Variants in GRIK4 observed in about 807,000 individuals in gnomAD.
GRIK4 encodes glutamate ionotropic receptor kainate type subunit 4, also known as glutamate receptor ionotropic, kainate 4.
GRIK4 carries 40 observed loss-of-function variants against 104.9 expected under a neutral mutation model. The ratio of observed to expected loss-of-function variants is 0.38; its 90% CI spans 0.30 to 0.50. The LOEUF (loss-of-function observed/expected upper bound fraction) is 0.50. Ranked by LOEUF, GRIK4 falls within the 20% of genes least tolerant of loss-of-function variation. The pLI is 0.93. For synonymous variants in GRIK4, 485 were observed against 524.9 expected (o/e 0.92, Z 1.04); for missense variants, 1,047 against 1,308.1 (o/e 0.80, Z 3.08).
chr11:120,588,450 C>T (rs938582150), intron 1 of GRIK4, among the ~76,000 whole-genome samples: 13 of 152,034 alleles, frequency 8.6e-5, no homozygotes, highest in African/African-American at 1.9e-4. Context: ...ATGGGGAGAC[C>T]GCAGGCACGA....
intron 1 of GRIK4, among the ~76,000 whole-genome samples, chr11:120,585,509 G>C (rs189737549): frequency 1.3e-5 from 2 of 151,854 alleles, no homozygotes; most frequent in Non-Finnish European, 1.5e-5. Flanking sequence ...CTACTGTGCC[G>C]TGCCCTTTCC....
At chr11:120,797,337 C>T (rs574180054) in intron 3 of GRIK4, among the ~76,000 whole-genome samples, 2 of 152,128 alleles carry the variant, frequency 1.3e-5, no homozygotes, top group Admixed American at 6.5e-5. Context: ...GGACTCGGAG[C>T]GTCCCAGCCC....
rs1332764713 is a variant in GRIK4 at position 120,637,965 on chromosome 11, C to T, written c.-158-15720C>T. Reference sequence around the variant, plus strand: ...CGTGATCTCGGCTCACTAAAACCTCCGCCTCCCAGGTTCAAGTGATTCTCC... The same window carrying T: ...CGTGATCTCGGCTCACTAAAACCTCTGCCTCCCAGGTTCAAGTGATTCTCC... On this transcript the variant is annotated intron_variant, in intron 1 of 20. Transcript: ENST00000527524. Among the ~76,000 whole-genome samples, 13 of 152,104 alleles carry T rather than the reference C, an allele frequency of 8.5e-5. No individual in the cohort carries two copies. In the East Asian group the frequency reaches 1.5e-3, roughly 18 times the overall value.
intron 1 of GRIK4, among the ~76,000 whole-genome samples, chr11:120,554,744 A>T (rs1046875318): frequency 5.3e-5 from 8 of 151,980 alleles, no homozygotes; most frequent in Admixed American, 5.2e-4. Context: ...TTTTTAGTAG[A>T]GACGGAGTTT....
chr11:120,635,395 C>T (rs553947821), intron 1 of GRIK4, among the ~76,000 whole-genome samples: 3 of 152,356 alleles, frequency 2.0e-5, no homozygotes, highest in East Asian at 3.9e-4. Context: ...CTGCGTGCCG[C>T]AGTCACCCAG....
chr11:120,710,232 G>C (rs1950703670), intron 3 of GRIK4, among the ~76,000 whole-genome samples: 1 of 152,304 alleles, frequency 6.6e-6, no homozygotes. Context: ...TGTACAGTAA[G>C]GAGATTGAAC....
rs192478421 is a variant in GRIK4 at position 120,855,415 on chromosome 11, C to T, written c.745-6544C>T. On this transcript the variant is annotated intron_variant, in intron 8 of 20. Transcript: ENST00000527524. ...CAGTGAAGTGCTCAGTTTTGCCTGGCGCACAGTTGGTGGTCAGTAAATTGT... is the reference window on the plus strand; with the variant it reads ...CAGTGAAGTGCTCAGTTTTGCCTGGTGCACAGTTGGTGGTCAGTAAATTGT... 1.8e-3 allele frequency among the ~76,000 whole-genome samples: 272 copies of T among 152,238 alleles called. 1 individual carries two copies. The highest frequency in any genetic ancestry group is 3.9e-4 in the Admixed American group (6 of 15,292).
In GRIK4 at chr11:120,962,453, C is replaced by T; in HGVS notation, c.2041-3C>T. 1 of 1,602,956 alleles carries T rather than the reference C, an allele frequency of 6.2e-7. No individual in the cohort carries two copies. The highest frequency in any genetic ancestry group is 8.5e-7 in the Non-Finnish European group (1 of 1,171,178). ...ATCCTGCTTCCTTTTGTTCTTTTCCCAGAATTCCCGCTACCAGACCTACCA... is the reference window on the plus strand; with the variant it reads ...ATCCTGCTTCCTTTTGTTCTTTTCCTAGAATTCCCGCTACCAGACCTACCA... On this transcript the variant is annotated splice_polypyrimidine_tract_variant and splice_region_variant and intron_variant, in intron 17 of 20. Transcript: ENST00000527524.
At chr11:120,833,901 A>G (rs1953502252) in intron 7 of GRIK4, among the ~76,000 whole-genome samples, 1 of 152,214 alleles carries the variant, frequency 6.6e-6, no homozygotes, top group Middle Eastern at 3.4e-3. Context: ...GTCATTAAAC[A>G]TTTTTCTAGA....
intron 3 of GRIK4, among the ~76,000 whole-genome samples, chr11:120,724,343 A>G (rs964294669): frequency 9.9e-5 from 15 of 152,174 alleles, no homozygotes; most frequent in African/African-American, 3.6e-4. Flanking sequence ...ATAGTATTCC[A>G]CTGTTCAAAT....
At chr11:120,926,954 G>A (rs987213586) in intron 13 of GRIK4, among the ~76,000 whole-genome samples, 8 of 152,226 alleles carry the variant, frequency 5.3e-5, no homozygotes, top group Admixed American at 4.6e-4. Flanking sequence ...AGTAGGGAAG[G>A]CTGCATTGAT....
At chr11:120,512,350 T>A (rs1424708354) in intron 1 of GRIK4, among the ~76,000 whole-genome samples, 3 of 150,506 alleles carry the variant, frequency 2.0e-5, no homozygotes, top group Non-Finnish European at 3.0e-5. Flanking sequence ...TCCCAGCGCC[T>A]CTGTTCCCCG....
At chr11:120,816,437 T>C (rs1050074254) in intron 5 of GRIK4, among the ~76,000 whole-genome samples, 10 of 152,206 alleles carry the variant, frequency 6.6e-5, no homozygotes, top group Middle Eastern at 3.4e-3. Flanking sequence ...GGAGGAAGGC[T>C]CAGTCTCGCT....
chr11:120,923,673 A>T (rs1385861495), intron 13 of GRIK4, among the ~76,000 whole-genome samples: 1 of 152,230 alleles, frequency 6.6e-6, no homozygotes, highest in East Asian at 1.9e-4. Context: ...TCGGCCTCCC[A>T]AAGTGCTGGG....
At chr11:120,897,799 C>T (rs1341450528) in intron 11 of GRIK4, among the ~76,000 whole-genome samples, 1 of 151,664 alleles carries the variant, frequency 6.6e-6, no homozygotes, top group Admixed American at 6.6e-5. Context: ...ATTATTATCC[C>T]CATTTTTTAG....
At position 120,777,553 on chromosome 11, in the gene GRIK4, C is replaced by A. The variant is rs78792018; in HGVS notation, c.83-25140C>A. On this transcript the variant is annotated intron_variant, in intron 3 of 20. Coordinates refer to ENST00000527524, the MANE Select transcript of GRIK4 (RefSeq NM_014619.5). ...CAGCAGTAAACAAAACAGACACAAT[C>A]CCTGCCCCGGCTGTAGTGGGGGCTG... Among the ~76,000 whole-genome samples the A allele has an allele frequency of 3.4e-3, 521 of 152,348 alleles. 11 individuals carry two copies. The East Asian group carries it at 0.061, about 18-fold the overall frequency.
chr11:120,840,371 T>C (rs368747449), intron 8 of GRIK4, among the ~76,000 whole-genome samples: 10 of 152,246 alleles, frequency 6.6e-5, no homozygotes, highest in East Asian at 3.9e-4. Flanking sequence ...TGTTAGAGAC[T>C]TGATCAGTGA....
intron 1 of GRIK4, among the ~76,000 whole-genome samples, chr11:120,573,500 G>A (rs772060302): frequency 6.6e-6 from 1 of 152,124 alleles, no homozygotes; most frequent in Non-Finnish European, 1.5e-5. Context: ...GGCCTCAGCT[G>A]TCCTTAGCTC....
chr11:120,945,601 T>C lies in GRIK4; in HGVS notation c.1590+5141T>C, dbSNP rs185582471. Among the ~76,000 whole-genome samples the C allele has an allele frequency of 1.9e-3, 293 of 152,316 alleles. 1 individual carries two copies. The highest frequency in any genetic ancestry group is 6.9e-3 in the African/African-American group (285 of 41,572). On this transcript the variant is annotated intron_variant, in intron 14 of 20. Coordinates refer to ENST00000527524, the MANE Select transcript of GRIK4 (RefSeq NM_014619.5). The stretch of plus-strand genomic sequence containing the variant: ...GAGCCCCAGGAACCTGAGATTCTAT[T>C]AGGGAACCTTACAGGGCCAGTATTC...
Sources: allele counts gnomAD v4.1 joint callset (sites outside exome capture counted in the v4.1 genomes callset), GRCh38; gene constraint gnomAD v4.1.1; transcripts MANE v1.5; gene names NCBI Gene and HGNC (gene_info 2026-07-23, HGNC 2026-07-21).